Variants in CNTNAP2 observed in about 807,000 individuals in gnomAD.
CNTNAP2 encodes contactin-associated protein-like 2.
In CNTNAP2, 98 loss-of-function variants were observed where a neutral mutation model predicts 155.2. The ratio of observed to expected loss-of-function variants is 0.63; its 90% CI spans 0.54 to 0.75. CNTNAP2 has a LOEUF of 0.75. Ranked by LOEUF, CNTNAP2 falls within the 30% of genes least tolerant of loss-of-function variation. The pLI is 0.00. For missense variants in CNTNAP2, 1,727 were observed against 1,688.1 expected (o/e 1.02, Z -0.40); for synonymous variants, 651 against 631.2 (o/e 1.03, Z -0.47).
chr7:147,206,088 A>G (rs1460852188), intron 8 of CNTNAP2, among the ~76,000 whole-genome samples: 10 of 152,114 alleles, frequency 6.6e-5, no homozygotes, highest in African/African-American at 2.4e-4. Flanking sequence ...TATCCTTTAA[A>G]TCTGTATATG....
chr7:147,801,630 A>G (rs181075469), intron 13 of CNTNAP2, among the ~76,000 whole-genome samples: 1 of 152,204 alleles, frequency 6.6e-6, no homozygotes, highest in Non-Finnish European at 1.5e-5. Flanking sequence ...CAGAGAGCAC[A>G]GGGTTGGGGG....
intron 18 of CNTNAP2, among the ~76,000 whole-genome samples, chr7:148,198,810 T>A (rs1795321075): frequency 6.6e-6 from 1 of 152,228 alleles, no homozygotes; most frequent in Non-Finnish European, 1.5e-5. Flanking sequence ...TTTAGGAGGA[T>A]GGAATCCACG....
intron 1 of CNTNAP2, among the ~76,000 whole-genome samples, chr7:146,737,530 C>T (rs1192988858): frequency 3.3e-5 from 5 of 152,022 alleles, no homozygotes; most frequent in East Asian, 1.9e-4. Flanking sequence ...ACAGGTATAA[C>T]GGGTTATGCA....
rs536936970 is a variant in CNTNAP2, at chr7:146,898,180, CT to C, written c.402+58278del. On this transcript the variant is annotated intron_variant, in intron 3 of 23. Transcript: ENST00000361727. ...AACTTATTGTCAATTCTGCAATTAT[CT>C]TCTGGATTTTAATATATAAATACAC... Among the ~76,000 whole-genome samples, 21 of 152,102 alleles carry C rather than the reference CT, an allele frequency of 1.4e-4. No homozygotes were observed. The East Asian group carries it at 3.7e-3, about 27-fold the overall frequency.
At chr7:148,076,576 C>T (rs1803490915) in intron 15 of CNTNAP2, among the ~76,000 whole-genome samples, 1 of 151,626 alleles carries the variant, frequency 6.6e-6, no homozygotes, top group African/African-American at 2.4e-5. Context: ...GCTGGGACTA[C>T]AGGAGCCCGC....
chr7:147,646,821 TC>T (rs1795372315), intron 13 of CNTNAP2, among the ~76,000 whole-genome samples: 1 of 152,194 alleles, frequency 6.6e-6, no homozygotes, highest in Non-Finnish European at 1.5e-5. Flanking sequence ...AGTACAATCT[TC>T]CCATGTACTC....
At chr7:148,052,296 CATAAT>C (rs1173151890) in intron 15 of CNTNAP2, among the ~76,000 whole-genome samples, 1 of 145,820 alleles carries the variant, frequency 6.9e-6, no homozygotes, top group East Asian at 2.1e-4. Context: ...ATATAAAAAT[CATAAT>C]ATGTTTTTAA....
At chr7:146,690,855 G>A (rs1012948181) in intron 1 of CNTNAP2, among the ~76,000 whole-genome samples, 28 of 152,028 alleles carry the variant, frequency 1.8e-4, no homozygotes, top group African/African-American at 6.0e-4. Context: ...AATTTGTGAA[G>A]CAACTGTTTC....
intron 13 of CNTNAP2, among the ~76,000 whole-genome samples, chr7:147,677,330 G>T (rs1795885244): frequency 6.6e-6 from 1 of 151,728 alleles, no homozygotes; most frequent in Admixed American, 6.6e-5. Context: ...TAGAGTCATG[G>T]CTCATTTTTA....
intron 1 of CNTNAP2, among the ~76,000 whole-genome samples, chr7:146,301,612 T>A (rs1005775232): frequency 1.3e-5 from 2 of 151,690 alleles, no homozygotes; most frequent in Non-Finnish European, 2.9e-5. Flanking sequence ...GGTGACAGAG[T>A]GAGACTCTGT....
At chr7:146,521,452 A>G (rs1183451044) in intron 1 of CNTNAP2, among the ~76,000 whole-genome samples, 1 of 152,004 alleles carries the variant, frequency 6.6e-6, no homozygotes, top group African/African-American at 2.4e-5. Context: ...TGAATAATTT[A>G]CTTTTTTTTC....
chr7:148,145,186 G>C (rs551216995), intron 16 of CNTNAP2, among the ~76,000 whole-genome samples: 44 of 152,280 alleles, frequency 2.9e-4, no homozygotes, highest in Middle Eastern at 6.8e-3. Flanking sequence ...GAAGAAAGTT[G>C]CTCGTGGGGT....
At chr7:146,165,964 A>C (rs1315235921) in intron 1 of CNTNAP2, among the ~76,000 whole-genome samples, 5 of 152,200 alleles carry the variant, frequency 3.3e-5, no homozygotes, top group Admixed American at 3.3e-4. Flanking sequence ...TTACAAAATC[A>C]AAACAATGTG....
intron 1 of CNTNAP2, among the ~76,000 whole-genome samples, chr7:146,591,653 T>A (rs1043502005): frequency 2.3e-4 from 35 of 152,212 alleles, no homozygotes; most frequent in Non-Finnish European, 4.3e-4. Context: ...TGTCACTATC[T>A]ATTTTATTGG....
intron 13 of CNTNAP2, among the ~76,000 whole-genome samples, chr7:147,670,069 T>C (rs1795762861): frequency 6.6e-6 from 1 of 152,204 alleles, no homozygotes; most frequent in Non-Finnish European, 1.5e-5. Context: ...CTTTTGTTAT[T>C]AATAGCTTCT....
chr7:146,812,464 T>TAAAATATATA (rs538778367), intron 2 of CNTNAP2, among the ~76,000 whole-genome samples: 1 of 144,234 alleles, frequency 6.9e-6, no homozygotes, highest in African/African-American at 2.7e-5. Flanking sequence ...ATATATATAT[T>TAAAATATATA]TATACTTTAA....
rs142448257 is a variant in CNTNAP2, at chr7:148,353,970, A to T, written c.3476-29679A>T. Among the ~76,000 whole-genome samples, 4 of 152,334 alleles carry T rather than the reference A, an allele frequency of 2.6e-5. No homozygotes were observed. The East Asian group carries it at 7.7e-4, about 29-fold the overall frequency. On this transcript the variant is annotated intron_variant, in intron 21 of 23. Coordinates refer to ENST00000361727, the MANE Select transcript of CNTNAP2 (RefSeq NM_014141.6). ...ACACTCAGAATGGAACAGAGCTATT[A>T]TCATCGAACGTTTCCTATACTGGGA...
chr7:146,763,315 T>C (rs1036072137), intron 1 of CNTNAP2, among the ~76,000 whole-genome samples: 4 of 152,154 alleles, frequency 2.6e-5, no homozygotes, highest in African/African-American at 9.7e-5. Flanking sequence ...TTCCATTAAG[T>C]TCTGCTAAAA....
chr7:148,190,815 A>G (rs1450218696), intron 18 of CNTNAP2: 1 of 151,400 alleles, frequency 6.6e-6, no homozygotes, highest in African/African-American at 2.4e-5. Flanking sequence ...CAGAGTTCTG[A>G]TGCCAAGGGC....
Sources: allele counts gnomAD v4.1 joint callset (sites outside exome capture counted in the v4.1 genomes callset), GRCh38; gene constraint gnomAD v4.1.1; transcripts MANE v1.5; gene names NCBI Gene and HGNC (gene_info 2026-07-23, HGNC 2026-07-21).